Variants in FSTL1 observed in about 807,000 individuals in gnomAD.
FSTL1 encodes follistatin like 1.
Under a neutral mutation model 45.9 loss-of-function variants are expected in FSTL1, and 24 were observed. The observed-to-expected ratio is 0.52, with a 90% CI of 0.38 to 0.74. FSTL1 has a LOEUF of 0.74. Ranked by LOEUF, FSTL1 falls within the 30% of genes least tolerant of loss-of-function variation. The probability of loss-of-function intolerance (pLI) is 0.00; values close to 1 mark genes in which losing one functional copy is unlikely to be tolerated. For missense variants in FSTL1, 340 were observed against 381.8 expected, an observed-to-expected ratio of 0.89 and a Z score of 0.91; for synonymous variants, 120 against 137.6, an observed-to-expected ratio of 0.87 and a Z score of 0.89.
intron 2 of FSTL1, among the ~76,000 whole-genome samples, chr3:120,449,959 G>C (rs911836413): frequency 2.0e-5 from 3 of 152,108 alleles, no homozygotes; most frequent in Admixed American, 6.5e-5. Context: ...TTAATGGAGC[G>C]GCTTCTGAGC....
In FSTL1 at chr3:120,446,331, G is replaced by C. The variant is rs568089271; in HGVS notation, c.63+4353C>G. On this transcript the variant is annotated intron_variant, in intron 2 of 10. Coordinates refer to ENST00000295633, the MANE Select transcript of FSTL1 (RefSeq NM_007085.5). ...GCCCATGACCAGATCTTCACCTCAT[G>C]GTTCCTCTCCAACTTGCTTCTATGA... 2.0e-5 allele frequency among the ~76,000 whole-genome samples: 3 copies of C among 152,260 alleles called. No homozygotes were observed. The East Asian group carries it at 5.8e-4, about 29-fold the overall frequency.
At position 120,393,442 on chromosome 3, in the gene FSTL1, G is replaced by A. The variant is rs748640874; in HGVS notation, c.*3510C>T. The A allele has an allele frequency of 1.3e-5, 2 of 152,126 alleles. No homozygotes were observed. The highest frequency in any genetic ancestry group is 2.9e-5 in the Non-Finnish European group (2 of 68,038). The allele number at this position is 152,126 out of a possible 1,614,324, so 9.4% of individuals were successfully genotyped here. A position where few individuals can be genotyped will look rare whatever the true frequency, so the allele number is the denominator to read the frequency against. ...GCAAAAGAGGTTTTAACCAGCTAAC[G>A]TTCAGCCCACTTGGAACTGTTTACC... On this transcript the variant is annotated 3_prime_UTR_variant, in exon 11 of 11. Coordinates refer to ENST00000295633, the MANE Select transcript of FSTL1 (RefSeq NM_007085.5).
At chr3:120,450,202 C>T (rs1937853829) in intron 2 of FSTL1, among the ~76,000 whole-genome samples, 1 of 152,206 alleles carries the variant, frequency 6.6e-6, no homozygotes, top group South Asian at 2.1e-4. Flanking sequence ...GAAGAAAATA[C>T]ATTTCAGAGA....
intron 2 of FSTL1, among the ~76,000 whole-genome samples, chr3:120,431,910 C>T (rs1937485686): frequency 6.6e-6 from 1 of 152,144 alleles, no homozygotes; most frequent in Admixed American, 6.6e-5. Flanking sequence ...GCGTCATGGG[C>T]ACTTAGGCTG....
At chr3:120,402,698 GCTCC>G in intron 9 of FSTL1, 106 bp downstream of exon 9, 1 of 737,812 alleles carries the variant, frequency 1.4e-6, no homozygotes, top group Non-Finnish European at 2.4e-6. Flanking sequence ...TGGGTTCCTT[GCTCC>G]CAGCCACCGC....
At chr3:120,430,172 T>C (rs1389971152) in intron 2 of FSTL1, among the ~76,000 whole-genome samples, 1 of 152,126 alleles carries the variant, frequency 6.6e-6, no homozygotes, top group Non-Finnish European at 1.5e-5. Flanking sequence ...AGTTACAAAA[T>C]TGCAGGATGT....
chr3:120,432,605 A>C (rs1459082978), intron 2 of FSTL1, among the ~76,000 whole-genome samples: 1 of 152,192 alleles, frequency 6.6e-6, no homozygotes, highest in Non-Finnish European at 1.5e-5. Context: ...CTATGGATAG[A>C]TTATCATTTG....
At chr3:120,403,131 G>A (rs908659091) in intron 8 of FSTL1, 111 bp downstream of exon 8, 5 of 755,468 alleles carry the variant, frequency 6.6e-6, no homozygotes, top group African/African-American at 3.4e-5. Flanking sequence ...TTAGAATCAT[G>A]GAAGGGGATT....
intron 2 of FSTL1, among the ~76,000 whole-genome samples, chr3:120,439,294 C>T (rs1576227045): frequency 6.6e-6 from 1 of 152,312 alleles, no homozygotes; most frequent in East Asian, 1.9e-4. Context: ...ATCCAGCAAT[C>T]AGAAGGAAGC....
chr3:120,431,901 C>T (rs1353414045), intron 2 of FSTL1, among the ~76,000 whole-genome samples: 3 of 152,156 alleles, frequency 2.0e-5, no homozygotes, highest in Non-Finnish European at 2.9e-5. Context: ...AATAGGCAGG[C>T]GTCATGGGCA....
In FSTL1 at chr3:120,432,201, C is replaced by T. The variant is rs1182466723; in HGVS notation, c.64-16174G>A. Among the ~76,000 whole-genome samples the T allele has an allele frequency of 3.3e-5, 5 of 152,220 alleles. No homozygotes were observed. In the East Asian group the frequency reaches 9.6e-4, roughly 29 times the overall value. Reference sequence around the variant, plus strand: ...ATTTTCTTGGCTTGACTGCTACACTCTCTTACTGCCAGCTTTCAATATTAC... The same window carrying T: ...ATTTTCTTGGCTTGACTGCTACACTTTCTTACTGCCAGCTTTCAATATTAC... On this transcript the variant is annotated intron_variant, in intron 2 of 10. Coordinates refer to ENST00000295633, the MANE Select transcript of FSTL1 (RefSeq NM_007085.5).
At chr3:120,430,086 C>A (rs1348405339) in intron 2 of FSTL1, among the ~76,000 whole-genome samples, 1 of 152,154 alleles carries the variant, frequency 6.6e-6, no homozygotes, top group East Asian at 1.9e-4. Context: ...TCCCAGAGCA[C>A]CAGCAGAAAT....
chr3:120,393,714 A>G lies in FSTL1; in HGVS notation c.*3238T>C, dbSNP rs1455619934. The G allele has an allele frequency of 6.6e-6, 1 of 152,204 alleles. No homozygotes were observed. The highest frequency in any genetic ancestry group is 2.1e-4 in the South Asian group (1 of 4,834). The allele number at this position is 152,204 out of a possible 1,614,324, so 9.4% of individuals were successfully genotyped here. On this transcript the variant is annotated 3_prime_UTR_variant, in exon 11 of 11. Transcript: ENST00000295633. ...TGAATGTTTATGTCCCCCAAAATTCATATGTTAAAATTGAATCCCCAAAGC... is the reference window on the plus strand; with the variant it reads ...TGAATGTTTATGTCCCCCAAAATTCGTATGTTAAAATTGAATCCCCAAAGC...
At chr3:120,413,275 A>G (rs1937107999) in intron 3 of FSTL1, among the ~76,000 whole-genome samples, 1 of 152,238 alleles carries the variant, frequency 6.6e-6, no homozygotes, top group Admixed American at 6.5e-5. Context: ...AGGATACCAA[A>G]AACACAAATT....
chr3:120,419,748 T>G (rs1335663617), intron 2 of FSTL1: 1 of 152,148 alleles, frequency 6.6e-6, no homozygotes, highest in Non-Finnish European at 1.5e-5. Context: ...AAATTCTGAT[T>G]CAAAGTGCAA....
chr3:120,431,128 TGCCCGG>T (rs1937470614), intron 2 of FSTL1, among the ~76,000 whole-genome samples: 1 of 152,122 alleles, frequency 6.6e-6, no homozygotes, highest in Non-Finnish European at 1.5e-5. Flanking sequence ...CCTGCCACCA[TGCCCGG>T]ACAATTTTTG....
chr3:120,401,346 T>C (rs1055471655), intron 9 of FSTL1, among the ~76,000 whole-genome samples: 5 of 152,178 alleles, frequency 3.3e-5, no homozygotes, highest in Admixed American at 6.5e-5. Context: ...TGTAGTTACA[T>C]TGGTTTGCTG....
chr3:120,431,028 G>C (rs951175395), intron 2 of FSTL1, among the ~76,000 whole-genome samples: 1 of 152,180 alleles, frequency 6.6e-6, no homozygotes, highest in African/African-American at 2.4e-5. Flanking sequence ...CTGGAGTGCA[G>C]TGGCATGATC....
At chr3:120,449,954 G>A (rs1157809064) in intron 2 of FSTL1, among the ~76,000 whole-genome samples, 1 of 152,158 alleles carries the variant, frequency 6.6e-6, no homozygotes, top group African/African-American at 2.4e-5. Context: ...TTGAGTTAAT[G>A]GAGCGGCTTC....
Sources: allele counts gnomAD v4.1 joint callset (sites outside exome capture counted in the v4.1 genomes callset), GRCh38; gene constraint gnomAD v4.1.1; transcripts MANE v1.5; gene names NCBI Gene and HGNC (gene_info 2026-07-23, HGNC 2026-07-21).